NCKAP5: variants seen among roughly 807,000 people sequenced by gnomAD.
The protein encoded by NCKAP5 is NCK associated protein 5.
A neutral mutation model predicts 167.0 loss-of-function variants in NCKAP5; 92 were observed. The ratio of observed to expected loss-of-function variants is 0.55; its 90% CI spans 0.47 to 0.66. The LOEUF (loss-of-function observed/expected upper bound fraction) is 0.66. Ranked by LOEUF, NCKAP5 falls within the 30% of genes least tolerant of loss-of-function variation. NCKAP5 has a pLI of 0.00. For missense variants in NCKAP5, 2,378 were observed against 2,315.0 expected, an observed-to-expected ratio of 1.03 and a Z score of -0.56; for synonymous variants, 891 against 877.4, an observed-to-expected ratio of 1.02 and a Z score of -0.27.
At chr2:133,547,487 C>G (rs1686834448) in intron 2 of NCKAP5, among the ~76,000 whole-genome samples, 1 of 152,062 alleles carries the variant, frequency 6.6e-6, no homozygotes, top group Admixed American at 6.5e-5. Flanking sequence ...TGTCTGACAG[C>G]TTTGAAGAGA....
chr2:132,844,714 T>C (rs966670967), intron 11 of NCKAP5, among the ~76,000 whole-genome samples: 6 of 152,262 alleles, frequency 3.9e-5, no homozygotes, highest in African/African-American at 1.4e-4. Flanking sequence ...GCTGTTTCTA[T>C]TAATTTGCTA....
intron 2 of NCKAP5, among the ~76,000 whole-genome samples, chr2:133,520,348 A>T (rs1342903162): frequency 6.6e-6 from 1 of 152,210 alleles, no homozygotes; most frequent in Non-Finnish European, 1.5e-5. Context: ...TGCTAAACAC[A>T]AAGGTTAATC....
intron 2 of NCKAP5, among the ~76,000 whole-genome samples, chr2:133,552,523 C>T (rs1575148002): frequency 7.1e-6 from 1 of 141,020 alleles, no homozygotes; most frequent in South Asian, 2.4e-4. Context: ...CATATTCTCA[C>T]TCATAGGTGG....
At chr2:133,320,071 A>G (rs10191826) in intron 3 of NCKAP5, among the ~76,000 whole-genome samples, 33,772 of 152,038 alleles carry the variant, frequency 0.22, 3,871 homozygotes, top group African/African-American at 0.28. Context: ...TGGACAGCAC[A>G]TGTATGGATG....
intron 3 of NCKAP5, among the ~76,000 whole-genome samples, chr2:133,450,566 T>A (rs1691489930): frequency 6.6e-6 from 1 of 152,176 alleles, no homozygotes; most frequent in African/African-American, 2.4e-5. Context: ...ATGACAGAAT[T>A]TACATTTATT....
chr2:133,479,613 A>G (rs564706078), intron 3 of NCKAP5, among the ~76,000 whole-genome samples: 33 of 152,342 alleles, frequency 2.2e-4, no homozygotes, highest in Admixed American at 1.9e-3. Context: ...TGTACTTCAT[A>G]AATATGTACA....
In NCKAP5 at chr2:132,783,276, A is replaced by G. The variant is rs572022686; in HGVS notation, c.3535T>C (p.Ser1179Pro). 1 of 1,613,788 alleles carries G rather than the reference A, an allele frequency of 6.2e-7. No individual in the cohort carries two copies. The highest frequency in any genetic ancestry group is 1.1e-5 in the South Asian group (1 of 91,066). Residue 1179 changes from serine to proline, a missense_variant, in exon 14 of 20, where the codon TCC (serine) becomes CCC (proline). Ser to Pro is a moderately conservative substitution (Grantham distance 74). This residue lies in a region of NCKAP5 where 1,325 missense variants were observed against 1,274.5 expected (regional missense o/e 1.04). Transcript: ENST00000409261. ...TTGTTCACAGCCACGGAACTTTTGG[A>G]GGCTTCATTTAAACTGTCTTTTTCA... ...KHEKDSLNEA[S>P]KSSVAVNKSK...
At chr2:133,471,740 T>C (rs1024031438) in intron 3 of NCKAP5, among the ~76,000 whole-genome samples, 1 of 152,156 alleles carries the variant, frequency 6.6e-6, no homozygotes, top group African/African-American at 2.4e-5. Flanking sequence ...TAAGGTAATG[T>C]TGATCAGCCA....
intron 4 of NCKAP5, among the ~76,000 whole-genome samples, chr2:133,229,186 T>C (rs1449469541): frequency 1.3e-5 from 2 of 152,046 alleles, no homozygotes; most frequent in African/African-American, 4.8e-5. Context: ...AGAAAAAAAA[T>C]AGGATAACAA....
At chr2:133,269,077 C>T (rs1418843465) in intron 4 of NCKAP5, 1 of 152,180 alleles carries the variant, frequency 6.6e-6, no homozygotes, top group Non-Finnish European at 1.5e-5. Flanking sequence ...GCTTGGTGGT[C>T]TCAGTTGCAT....
At chr2:132,792,037 C>CTGTTT (rs141257195) in intron 12 of NCKAP5, among the ~76,000 whole-genome samples, 5,183 of 151,026 alleles carry the variant, frequency 0.034, 241 homozygotes, top group East Asian at 0.12. Flanking sequence ...TTGAGATGCT[C>CTGTTT]TGTTTTGTTT....
chr2:133,354,598 C>A (rs1472904160), intron 3 of NCKAP5, among the ~76,000 whole-genome samples: 1 of 152,178 alleles, frequency 6.6e-6, no homozygotes, highest in Admixed American at 6.5e-5. Flanking sequence ...TCTAACATCA[C>A]CCAACTTATT....
At chr2:133,482,462 C>T (rs1210057598) in intron 3 of NCKAP5, among the ~76,000 whole-genome samples, 2 of 152,168 alleles carry the variant, frequency 1.3e-5, no homozygotes, top group Non-Finnish European at 2.9e-5. Context: ...AGGCAAGCTG[C>T]CTGCCTTGGC....
chr2:132,718,524 T>A (rs569862969), intron 19 of NCKAP5, among the ~76,000 whole-genome samples: 1 of 152,234 alleles, frequency 6.6e-6, no homozygotes, highest in African/African-American at 2.4e-5. Flanking sequence ...GATTCTGATA[T>A]GCCTGCAACA....
At chr2:132,792,147 G>A (rs546350286) in intron 12 of NCKAP5, among the ~76,000 whole-genome samples, 1 of 152,292 alleles carries the variant, frequency 6.6e-6, no homozygotes, top group South Asian at 2.1e-4. Flanking sequence ...TAGATTTTCA[G>A]TATTAGGCAT....
intron 11 of NCKAP5, among the ~76,000 whole-genome samples, chr2:132,801,232 C>G (rs1414654240): frequency 6.6e-6 from 1 of 152,130 alleles, no homozygotes; most frequent in Non-Finnish European, 1.5e-5. Flanking sequence ...AAGAAAGCCA[C>G]TCTGGGAAAA....
chr2:133,109,445 A>C (rs1344509185), intron 6 of NCKAP5, among the ~76,000 whole-genome samples: 1 of 152,228 alleles, frequency 6.6e-6, no homozygotes, highest in African/African-American at 2.4e-5. Context: ...TATATTTCCC[A>C]TGTGGCTTGC....
At chr2:133,200,007 T>C (rs576663827) in intron 5 of NCKAP5, among the ~76,000 whole-genome samples, 2 of 151,224 alleles carry the variant, frequency 1.3e-5, no homozygotes, top group East Asian at 3.9e-4. Context: ...CAGAACTAAT[T>C]TGATCCATTC....
chr2:133,527,448 A>T (rs1441764708), intron 2 of NCKAP5, among the ~76,000 whole-genome samples: 1 of 152,012 alleles, frequency 6.6e-6, no homozygotes, highest in African/African-American at 2.4e-5. Context: ...TTTCCACTTT[A>T]AGAGGTTATT....
Sources: allele counts gnomAD v4.1 joint callset (sites outside exome capture counted in the v4.1 genomes callset), GRCh38; gene constraint gnomAD v4.1.1; regional missense constraint gnomAD v4.1.1; transcripts MANE v1.5; gene names NCBI Gene and HGNC (gene_info 2026-07-23, HGNC 2026-07-21).